Variants in GIGYF2 observed in about 807,000 individuals in gnomAD.
GIGYF2 encodes GRB10-interacting GYF protein 2.
GIGYF2 carries 25 observed loss-of-function variants against 208.1 expected under a neutral mutation model. The ratio of observed to expected loss-of-function variants is 0.12; its 90% CI spans 0.09 to 0.17. The LOEUF (loss-of-function observed/expected upper bound fraction) is 0.17. GIGYF2 is among the 10% of genes least tolerant of loss of function. The pLI, the probability that GIGYF2 is intolerant of heterozygous loss-of-function variation, is 1.00. For missense variants in GIGYF2, 1,302 were observed against 1,579.4 expected, an observed-to-expected ratio of 0.82 and a Z score of 2.98; for synonymous variants, 534 against 543.8, an observed-to-expected ratio of 0.98 and a Z score of 0.25.
intron 23 of GIGYF2, chr2:232,843,022 TC>T (rs1207842842): frequency 1.3e-5 from 2 of 152,116 alleles, no homozygotes; most frequent in Non-Finnish European, 2.9e-5. Context: ...GTTTCTGAGC[TC>T]CTTTACTTAG....
At chr2:232,795,845 A>G (rs1156309534) in intron 13 of GIGYF2, among the ~76,000 whole-genome samples, 1 of 152,180 alleles carries the variant, frequency 6.6e-6, no homozygotes, top group Non-Finnish European at 1.5e-5. Flanking sequence ...CAGACCTTGA[A>G]CAAGACTTGG....
chr2:232,759,611 A>G (rs778839858), intron 6 of GIGYF2, among the ~76,000 whole-genome samples: 4 of 151,982 alleles, frequency 2.6e-5, no homozygotes, highest in Non-Finnish European at 4.4e-5. Flanking sequence ...CTGCTGTGGC[A>G]TCATAGTGTT....
In GIGYF2 at chr2:232,812,471, C is replaced by A; in HGVS notation, c.2087C>A (p.Pro696Gln). 1 of 1,457,164 alleles carries A rather than the reference C, an allele frequency of 6.9e-7. No individual in the cohort carries two copies. The highest frequency in any genetic ancestry group is 9.6e-7 in the Non-Finnish European group (1 of 1,037,048). 90.3% of individuals were successfully genotyped at this position (1,457,164 alleles called of 1,614,324 possible). Residue 696 changes from proline (P) to glutamine (Q), a missense_variant, in exon 18 of 29, where the codon CCA becomes CAA. Physicochemically the swap from Pro to Gln is moderately conservative, Grantham distance 76 (BLOSUM62 -1). Coordinates refer to ENST00000373563, the MANE Select transcript of GIGYF2 (RefSeq NM_001103146.3). The stretch of plus-strand genomic sequence containing the variant: ...ACTGGCTCTATCTGGGAGCTTCAGC[C>A]AACAGCTTCACAGCCTACAGGTAAA... ...PDTGSIWELQ[P>Q]TASQPTVWEG... is the part of the protein sequence containing the mutation.
chr2:232,781,613 A>C (rs1699726764), intron 8 of GIGYF2, among the ~76,000 whole-genome samples: 1 of 152,172 alleles, frequency 6.6e-6, no homozygotes, highest in African/African-American at 2.4e-5. Flanking sequence ...GGGAAGATGA[A>C]AACAAATTTA....
chr2:232,757,852 C>G (rs1221386338), intron 6 of GIGYF2, among the ~76,000 whole-genome samples: 1 of 141,758 alleles, frequency 7.1e-6, no homozygotes, highest in Non-Finnish European at 1.6e-5. Context: ...GATTGAATTT[C>G]TCCTTGCTTT....
In GIGYF2 at chr2:232,790,679, GTCC is replaced by G; in HGVS notation, c.713-14_713-12del. The G allele has an allele frequency of 1.3e-6, 2 of 1,590,466 alleles. No individual in the cohort carries two copies. Among genetic ancestry groups the G allele is most frequent in the South Asian group, 1.1e-5 (1 of 90,614 alleles). On this transcript the variant is annotated splice_polypyrimidine_tract_variant and intron_variant, in intron 9 of 28. Coordinates refer to ENST00000373563, the MANE Select transcript of GIGYF2 (RefSeq NM_001103146.3). ...GTCATAAAACTTTTCTAAGGTTTGT[GTCC>G]TCCTTCTCATCTCAGATGGCCCTCG...
intron 28 of GIGYF2, 91 bp downstream of exon 28, chr2:232,850,500 A>G: frequency 8.3e-7 from 1 of 1,202,836 alleles, no homozygotes; most frequent in Non-Finnish European, 1.2e-6. Context: ...TTGTTTTTCA[A>G]GAAGGGAAAT....
At chr2:232,736,725 T>C (rs968694001) in intron 3 of GIGYF2, 43 of 152,356 alleles carry the variant, frequency 2.8e-4, no homozygotes, top group African/African-American at 9.9e-4. Flanking sequence ...AGTTACTTTC[T>C]TAGCCATTTT....
chr2:232,743,965 C>G (rs1045510291), intron 3 of GIGYF2, among the ~76,000 whole-genome samples: 1 of 152,126 alleles, frequency 6.6e-6, no homozygotes, highest in African/African-American at 2.4e-5. Context: ...CCCACCTCAG[C>G]CTTCCAAATA....
rs1690732523 is a variant in GIGYF2, at chr2:232,860,431, A to G, written c.*3571A>G. 1 of 149,054 alleles carries G rather than the reference A, an allele frequency of 6.7e-6. No homozygotes were observed. Among genetic ancestry groups the G allele is most frequent in the Non-Finnish European group, 1.5e-5 (1 of 67,442 alleles). The allele number at this position is 149,054 out of a possible 1,614,324, so 9.2% of individuals were successfully genotyped here. ...ATGTATATAAAAGTATATGTTTTAC[A>G]TTTTCAATATATATATAATATATAC... is the stretch of plus-strand genomic sequence containing the variant. On this transcript the variant is annotated 3_prime_UTR_variant, in exon 29 of 29. Transcript: ENST00000373563.
intron 21 of GIGYF2, among the ~76,000 whole-genome samples, chr2:232,825,518 A>G (rs542885992): frequency 6.6e-5 from 10 of 152,320 alleles, no homozygotes; most frequent in East Asian, 1.9e-4. Flanking sequence ...CTAAATTGCT[A>G]TAATCTCATG....
chr2:232,787,402 GA>G, intron 9 of GIGYF2, 73 bp downstream of exon 9: 2 of 1,306,780 alleles, frequency 1.5e-6, no homozygotes, highest in Non-Finnish European at 2.2e-6. Context: ...GGGATTAAAT[GA>G]AAAAGATAAA....
chr2:232,757,438 G>A (rs1698592465), intron 6 of GIGYF2, among the ~76,000 whole-genome samples: 1 of 151,974 alleles, frequency 6.6e-6, no homozygotes, highest in Admixed American at 6.6e-5. Flanking sequence ...ATTTTGGGTG[G>A]TGGGATCTAG....
chr2:232,789,263 G>A (rs896430384), intron 9 of GIGYF2, among the ~76,000 whole-genome samples: 2 of 152,100 alleles, frequency 1.3e-5, no homozygotes, highest in East Asian at 1.9e-4. Context: ...ATGTGCGTGG[G>A]GGTGGGAACA....
Position 232,724,207 on chromosome 2 carries a change from AT to A in GIGYF2, c.-43-10926del, listed in dbSNP as rs1163865821. On this transcript the variant is annotated intron_variant, in intron 2 of 28. Transcript: ENST00000373563. Reference sequence around the variant, plus strand: ...CAGGCGCCCGCTGCCACACCTGGCTATTTTTTTTTTTTTTTTTTTTTTGTAT... The same window carrying A: ...CAGGCGCCCGCTGCCACACCTGGCTATTTTTTTTTTTTTTTTTTTTTGTAT... Among the ~76,000 whole-genome samples, 449 of 114,182 alleles carry A rather than the reference AT, an allele frequency of 3.9e-3. 1 individual carries two copies. Among genetic ancestry groups the A allele is most frequent in the African/African-American group, 0.014 (383 of 28,140 alleles). The allele number at this position is 114,182 out of a possible 152,430, so 74.9% of individuals were successfully genotyped here. A position where few individuals can be genotyped will look rare whatever the true frequency, so the allele number is the denominator to read the frequency against.
At chr2:232,755,964 C>T (rs1456218249) in intron 5 of GIGYF2, among the ~76,000 whole-genome samples, 1 of 152,124 alleles carries the variant, frequency 6.6e-6, no homozygotes, top group Admixed American at 6.6e-5. Context: ...TATTTCCTCA[C>T]CAAACCTAGC....
intron 2 of GIGYF2, among the ~76,000 whole-genome samples, chr2:232,712,017 A>G (rs1361821764): frequency 1.3e-5 from 2 of 152,146 alleles, no homozygotes; most frequent in Non-Finnish European, 2.9e-5. Context: ...CATTGAAATC[A>G]GCACTTATCA....
At chr2:232,732,827 G>A (rs148580180) in intron 2 of GIGYF2, among the ~76,000 whole-genome samples, 3,533 of 151,962 alleles carry the variant, frequency 0.023, 147 homozygotes, top group African/African-American at 0.08. Context: ...ACAGGGTTTT[G>A]CCATGTTGCC....
intron 25 of GIGYF2, among the ~76,000 whole-genome samples, chr2:232,845,305 A>G (rs1395941785): frequency 1.3e-5 from 2 of 152,254 alleles, no homozygotes; most frequent in Admixed American, 1.3e-4. Context: ...GGCCTAACAT[A>G]TTATGAATAG....
Sources: gnomAD v4.1 joint callset for allele counts (sites outside exome capture counted in the v4.1 genomes callset) on GRCh38, gnomAD v4.1.1 for gene constraint, MANE v1.5 for transcripts, NCBI Gene and HGNC (gene_info 2026-07-23, HGNC 2026-07-21) for gene names.